The following GREB1 variants were observed in gnomAD, a reference collection of about 807,000 sequenced individuals.
GREB1 encodes the protein growth regulating estrogen receptor binding 1, also known as protein GREB1.
GREB1 carries 106 observed loss-of-function variants against 200.7 expected under a neutral mutation model. The observed-to-expected ratio is 0.53, with a 90% confidence interval of 0.45 to 0.62. The LOEUF (loss-of-function observed/expected upper bound fraction) is 0.62. Ranked by LOEUF, GREB1 falls within the 20% of genes least tolerant of loss-of-function variation. The pLI is 0.00. For synonymous variants in GREB1, 1,132 were observed against 1,092.4 expected (o/e 1.04, Z -0.72); for missense variants, 2,243 against 2,556.8 (o/e 0.88, Z 2.65).
chr2:11,485,462 T>G (rs1672635768), intron 1 of GREB1, among the ~76,000 whole-genome samples: 2 of 151,670 alleles, frequency 1.3e-5, no homozygotes, highest in African/African-American at 2.4e-5. Context: ...TTAGTAGAGA[T>G]AAGGTTTCAC....
chr2:11,540,397 G>T (rs1674640480), intron 1 of GREB1, among the ~76,000 whole-genome samples: 1 of 152,230 alleles, frequency 6.6e-6, no homozygotes, highest in African/African-American at 2.4e-5. Context: ...TGCCTGGTTG[G>T]TTCCAGAGAG....
Position 11,592,775 on chromosome 2 carries a change from G to T in GREB1, c.1346-1G>T. ...GGCCCTCCGCCCGCATTGTGTTGCA[G>T]CCGCGGACCAGGTGCCCTTGATGGA... On this transcript the variant is annotated splice_acceptor_variant, in intron 10 of 32. Transcript: ENST00000381486. LOFTEE classifies it high-confidence loss of function. The T allele has an allele frequency of 6.6e-7, 1 of 1,509,420 alleles. No homozygotes were observed. Among genetic ancestry groups the T allele is most frequent in the Non-Finnish European group, 8.8e-7 (1 of 1,135,936 alleles). The allele number at this position is 1,509,420 out of a possible 1,614,324, so 93.5% of individuals were successfully genotyped here. A position where few individuals can be genotyped will look rare whatever the true frequency, so the allele number is the denominator to read the frequency against.
At chr2:11,490,625 T>C (rs574593370) in intron 1 of GREB1, among the ~76,000 whole-genome samples, 145 of 152,358 alleles carry the variant, frequency 9.5e-4, no homozygotes, top group Middle Eastern at 3.4e-3. Flanking sequence ...CTCAGCTCAC[T>C]GCAACCTCTG....
intron 26 of GREB1, among the ~76,000 whole-genome samples, chr2:11,630,331 T>G (rs1684785664): frequency 6.6e-6 from 1 of 152,220 alleles, no homozygotes; most frequent in African/African-American, 2.4e-5. Context: ...TCACTTAATA[T>G]CTGCAAGCCT....
At chr2:11,495,831 G>A (rs1672869938) in intron 1 of GREB1, among the ~76,000 whole-genome samples, 1 of 146,932 alleles carries the variant, frequency 6.8e-6, no homozygotes, top group South Asian at 2.1e-4. Context: ...CGGGATTTTC[G>A]GTGTTGCAGA....
intron 10 of GREB1, 124 bp downstream of exon 10, chr2:11,589,055 T>A (rs1023512529): frequency 1.4e-6 from 1 of 712,750 alleles, no homozygotes. Context: ...GGAGAGCTTA[T>A]GGCTTCACTG....
At chr2:11,637,948 TA>T in intron 31 of GREB1, 32 bp downstream of exon 31, 1 of 1,553,260 alleles carries the variant, frequency 6.4e-7, no homozygotes, top group Non-Finnish European at 8.9e-7. Flanking sequence ...GTCGAATCCC[TA>T]ATTCAGAGAA....
chr2:11,560,402 C>T (rs1676884862), intron 2 of GREB1, among the ~76,000 whole-genome samples: 1 of 152,008 alleles, frequency 6.6e-6, no homozygotes, highest in African/African-American at 2.4e-5. Flanking sequence ...GAGGAGAAGA[C>T]AAAGAAATAA....
intron 7 of GREB1, among the ~76,000 whole-genome samples, chr2:11,581,856 G>A (rs554906504): frequency 6.6e-6 from 1 of 152,288 alleles, no homozygotes; most frequent in South Asian, 2.1e-4. Context: ...GGATCTCCCT[G>A]GTGAAAATCT....
At chr2:11,556,097 G>T (rs993213906) in intron 1 of GREB1, among the ~76,000 whole-genome samples, 2 of 152,166 alleles carry the variant, frequency 1.3e-5, no homozygotes, top group Non-Finnish European at 2.9e-5. Flanking sequence ...AGAATAATCA[G>T]CCTTTTACCA....
chr2:11,522,154 T>C lies in GREB1; in HGVS notation c.-158-34303T>C, dbSNP rs1673726030. ...AGTTCCAGGGTTCTGCACATTTGCATTATAAGATTTTCAAGTAGATTTTTT... is the reference window on the plus strand; with the variant it reads ...AGTTCCAGGGTTCTGCACATTTGCACTATAAGATTTTCAAGTAGATTTTTT... On this transcript the variant is annotated intron_variant, in intron 1 of 2. Coordinates refer to the GREB1 transcript ENST00000628795. 2.6e-5 allele frequency among the ~76,000 whole-genome samples: 4 copies of C among 152,130 alleles called. No individual in the cohort carries two copies. In the South Asian group the frequency reaches 6.2e-4, roughly 24 times the overall value.
At position 11,597,695 on chromosome 2, in the gene GREB1, A is replaced by C. The variant is rs1235489607; in HGVS notation, c.1955-86A>C. 8.5e-7 allele frequency: 1 copy of C among 1,174,552 alleles called. No individual in the cohort carries two copies. Among genetic ancestry groups the C allele is most frequent in the African/African-American group, 1.5e-5 (1 of 66,448 alleles). 72.8% of individuals were successfully genotyped at this position (1,174,552 alleles called of 1,614,324 possible). ...TTGTGAATGGGGCCGTCTCCCCTGG[A>C]CAGGTCTCACTGATTCTCTGGCCAA... is the stretch of plus-strand genomic sequence containing the variant. On this transcript the variant is annotated intron_variant, in intron 13 of 32. Transcript: ENST00000381486. This position sits in a 1 kb window ranked among gnomAD's most constrained non-coding sequence, Gnocchi z 4.1.
intron 1 of GREB1, among the ~76,000 whole-genome samples, chr2:11,543,575 T>G (rs1329214393): frequency 6.6e-6 from 1 of 152,216 alleles, no homozygotes; most frequent in African/African-American, 2.4e-5. Flanking sequence ...CTGGTGGTCT[T>G]ATTGAAAAGT....
rs370457481 is a variant in GREB1 at position 11,545,080 on chromosome 2, G to C, written c.-162+10826G>C. Among the ~76,000 whole-genome samples, 31 of 152,100 alleles carry C rather than the reference G, an allele frequency of 2.0e-4. 1 individual carries two copies. The South Asian group carries it at 6.5e-3, about 32-fold the overall frequency. On this transcript the variant is annotated intron_variant, in intron 1 of 32. Transcript: ENST00000381486. ...TCCACTCGCCTCGGCCTCACAAAGT[G>C]TTGGGATTACAGGTGTGAGCCACCG...
intron 1 of GREB1, among the ~76,000 whole-genome samples, chr2:11,544,357 C>T (rs928609316): frequency 8.5e-5 from 13 of 152,058 alleles, no homozygotes; most frequent in Non-Finnish European, 1.6e-4. Context: ...GCTGGGACTA[C>T]AGGCTCCCAC....
rs917055150 is a variant in GREB1, at chr2:11,493,527, G to A, written c.-159+11146G>A. On this transcript the variant is annotated intron_variant, in intron 1 of 2. Coordinates refer to the GREB1 transcript ENST00000628795. This position sits in a 1 kb window ranked among gnomAD's most constrained non-coding sequence, Gnocchi z 4.6. ...ACAGATGAAACTTCTCTTGCCCACC[G>A]CTCACCTCCTGCTGTGTGGCCTGCT... Among the ~76,000 whole-genome samples the A allele has an allele frequency of 2.8e-4, 43 of 152,098 alleles. No homozygotes were observed. The highest frequency in any genetic ancestry group is 1.0e-3 in the African/African-American group (42 of 41,402).
At chr2:11,508,304 A>G (rs539274471) in intron 1 of GREB1, among the ~76,000 whole-genome samples, 26 of 152,296 alleles carry the variant, frequency 1.7e-4, no homozygotes, top group Admixed American at 1.0e-3. Flanking sequence ...CACATTTTAC[A>G]TCCAGGGATT....
rs117111719 is a variant in GREB1, at chr2:11,500,439, G to A, written c.-159+18058G>A. ...CTCCCAAAGTGCTGGGATTACCGGC[G>A]TAAGCCACTGTGCCTGGCCATTTTT... On this transcript the variant is annotated intron_variant, in intron 1 of 2. Transcript: ENST00000628795. Among the ~76,000 whole-genome samples the A allele has an allele frequency of 2.0e-3, 301 of 151,322 alleles. 8 individuals carry two copies. The East Asian group carries it at 0.053, about 27-fold the overall frequency.
chr2:11,589,671 G>T (rs1680532650), intron 10 of GREB1, among the ~76,000 whole-genome samples: 1 of 152,240 alleles, frequency 6.6e-6, no homozygotes, highest in Admixed American at 6.5e-5. Context: ...TGGGGCAGAC[G>T]CAGTGGCGGA....
Sources: allele counts gnomAD v4.1 joint callset (sites outside exome capture counted in the v4.1 genomes callset), GRCh38; gene constraint gnomAD v4.1.1; non-coding constraint Gnocchi (gnomAD v3.1); transcripts MANE v1.5; gene names NCBI Gene and HGNC (gene_info 2026-07-23, HGNC 2026-07-21).